Variants in PDIA6 observed in about 807,000 individuals in gnomAD.
The protein encoded by PDIA6 is protein disulfide-isomerase A6.
In PDIA6, 29 loss-of-function variants were observed where a neutral mutation model predicts 58.4. The observed-to-expected ratio is 0.50, with a 90% CI of 0.37 to 0.68. PDIA6 has a LOEUF of 0.68. PDIA6 is among the 30% of genes least tolerant of loss of function. The probability of loss-of-function intolerance (pLI) is 0.00; values close to 1 mark genes in which losing one functional copy is unlikely to be tolerated. For missense variants in PDIA6, 480 were observed against 551.0 expected (o/e 0.87, Z 1.29); for synonymous variants, 192 against 202.6 (o/e 0.95, Z 0.44).
At chr2:10,788,062 T>C (rs1665860545) in intron 10 of PDIA6, among the ~76,000 whole-genome samples, 1 of 46,986 alleles carries the variant, frequency 2.1e-5, no homozygotes, top group Non-Finnish European at 6.9e-5. Context: ...TGAGACTCTG[T>C]CTCAAAAAAA....
chr2:10,806,649 A>AGAAAGAAGGAAGG, intron 1 of PDIA6, among the ~76,000 whole-genome samples: 1 of 134,184 alleles, frequency 7.5e-6, no homozygotes, highest in Non-Finnish European at 1.7e-5. Context: ...AAAGAAAGAA[A>AGAAAGAAGGAAGG]AACGTTACAG....
At chr2:10,810,530 T>C in intron 1 of PDIA6, 12 of 1,070,042 alleles carry the variant, frequency 1.1e-5, no homozygotes, top group Non-Finnish European at 1.4e-5. Flanking sequence ...TTATTCTTTT[T>C]TCTAGTAATG....
intron 1 of PDIA6, among the ~76,000 whole-genome samples, chr2:10,823,857 C>T (rs934954178): frequency 6.6e-6 from 1 of 150,944 alleles, no homozygotes; most frequent in African/African-American, 2.4e-5. Flanking sequence ...GGTTATACTC[C>T]CTCCCTGGGG....
chr2:10,822,531 G>A (rs984512515), intron 1 of PDIA6, among the ~76,000 whole-genome samples: 2 of 152,162 alleles, frequency 1.3e-5, no homozygotes, highest in Non-Finnish European at 2.9e-5. Flanking sequence ...CAAAGTGCTA[G>A]GATTACAGGC....
rs756288863 is a variant in PDIA6, at chr2:10,787,277, T to C, written c.1157+4A>G. 1.4e-5 allele frequency: 22 copies of C among 1,613,392 alleles called. No individual in the cohort carries two copies. The highest frequency in any genetic ancestry group is 1.9e-5 in the Non-Finnish European group (22 of 1,179,528). ...ACAACAAACAACCTAAGAAAACAAA[T>C]TACCTGAGAAACTCGTTGATGCCTT... On this transcript the variant is annotated splice_donor_region_variant and intron_variant, in intron 11 of 12. Transcript: ENST00000272227.
intron 4 of PDIA6, among the ~76,000 whole-genome samples, chr2:10,795,918 T>C (rs1211446511): frequency 1.3e-5 from 2 of 152,228 alleles, no homozygotes; most frequent in Non-Finnish European, 2.9e-5. Context: ...ATGTTCCATA[T>C]AAATCTTCAA....
intron 2 of PDIA6, among the ~76,000 whole-genome samples, chr2:10,798,765 G>A (rs910787288): frequency 6.6e-6 from 1 of 152,210 alleles, no homozygotes; most frequent in African/African-American, 2.4e-5. Context: ...AGTGGAAGAA[G>A]TGCATTTTAT....
At chr2:10,798,145 G>A (rs1169723638) in intron 2 of PDIA6, among the ~76,000 whole-genome samples, 6 of 151,982 alleles carry the variant, frequency 3.9e-5, no homozygotes, top group African/African-American at 9.7e-5. Flanking sequence ...AGATCATGCC[G>A]CTACACTCCA....
At position 10,797,217 on chromosome 2, in the gene PDIA6, T is replaced by G. The variant is rs1401136670; in HGVS notation, c.220-10A>C. On this transcript the variant is annotated splice_polypyrimidine_tract_variant and intron_variant, in intron 3 of 12. Transcript: ENST00000272227. ...CAACTTTGACAACATCCTGTGGAAA[T>G]GTAAAAGAAATAACAATTTTTCCTT... 2 of 1,603,164 alleles carry G rather than the reference T, an allele frequency of 1.2e-6. No homozygotes were observed. The highest frequency in any genetic ancestry group is 1.7e-6 in the Non-Finnish European group (2 of 1,176,402).
At chr2:10,798,144 C>T (rs147023082) in intron 2 of PDIA6, among the ~76,000 whole-genome samples, 63 of 152,100 alleles carry the variant, frequency 4.1e-4, no homozygotes, top group South Asian at 1.2e-3. Context: ...GAGATCATGC[C>T]GCTACACTCC....
intron 1 of PDIA6, among the ~76,000 whole-genome samples, chr2:10,828,141 G>T (rs1239245480): frequency 6.6e-6 from 1 of 152,052 alleles, no homozygotes; most frequent in Non-Finnish European, 1.5e-5. Flanking sequence ...TTACATTAGG[G>T]TTCACACTTG....
Position 10,790,764 on chromosome 2 carries a change from T to C in PDIA6, c.654A>G (p.Ala218=), listed in dbSNP as rs757288641. The C allele has an allele frequency of 6.2e-7, 1 of 1,614,202 alleles. No individual in the cohort carries two copies. Among genetic ancestry groups the C allele is most frequent in the Non-Finnish European group, 8.5e-7 (1 of 1,180,008 alleles). Reference sequence around the variant, plus strand: ...CCTGATTGACTGTAGCATCCACAGCTGCCAGTTTCACTTTTCCTTTCGTCT... The same window carrying C: ...CCTGATTGACTGTAGCATCCACAGCCGCCAGTTTCACTTTTCCTTTCGTCT... ...KEQTKGKVKL[A]AVDATVNQVL... is the part of the protein sequence containing the mutation. Residue 218 remains alanine (A), a synonymous_variant, in exon 7 of 13, where the codon GCA becomes GCG. Coordinates refer to ENST00000272227, the MANE Select transcript of PDIA6 (RefSeq NM_005742.4).
chr2:10,786,303 ACT>A (rs779816096), intron 11 of PDIA6, among the ~76,000 whole-genome samples: 2 of 144,130 alleles, frequency 1.4e-5, no homozygotes, highest in Non-Finnish European at 3.0e-5. Context: ...ACACAGCAAG[ACT>A]CTGTCTCGGG....
In PDIA6 at chr2:10,793,157, A is replaced by G; in HGVS notation, c.392T>C (p.Leu131Pro). Reference sequence around the variant, plus strand: ...GAGGCGATCCTTCACGAGCTGGCGCAGAGCACTCAGCGCAGCATCTACAAT... The same window carrying G: ...GAGGCGATCCTTCACGAGCTGGCGCGGAGCACTCAGCGCAGCATCTACAAT... The part of the protein sequence containing the change: ...EAIVDAALSA[L>P]RQLVKDRLGG... Residue 131 changes from leucine to proline, a missense_variant, in exon 5 of 13, where the codon CTG becomes CCG. Coordinates refer to ENST00000272227, the MANE Select transcript of PDIA6 (RefSeq NM_005742.4). 1.2e-6 allele frequency: 2 copies of G among 1,614,130 alleles called. No individual in the cohort carries two copies. Among genetic ancestry groups the G allele is most frequent in the Non-Finnish European group, 1.7e-6 (2 of 1,179,962 alleles).
chr2:10,794,713 G>T (rs1311816514), intron 4 of PDIA6, among the ~76,000 whole-genome samples: 2 of 152,040 alleles, frequency 1.3e-5, no homozygotes, highest in African/African-American at 4.8e-5. Flanking sequence ...CGGATCATGA[G>T]GTCAAGAGTT....
chr2:10,824,145 ATACTG>A (rs1229523897), intron 1 of PDIA6, among the ~76,000 whole-genome samples: 2 of 150,932 alleles, frequency 1.3e-5, no homozygotes, highest in Admixed American at 1.3e-4. Context: ...TGTTGGTTCC[ATACTG>A]TAGTGGATGC....
At chr2:10,792,166 C>A (rs1309984038) in intron 5 of PDIA6, among the ~76,000 whole-genome samples, 1 of 152,176 alleles carries the variant, frequency 6.6e-6, no homozygotes, top group Non-Finnish European at 1.5e-5. Context: ...TAACCTGTAC[C>A]TGAATGCTGT....
At chr2:10,812,555 TCCCGCCCGCCAGGCC>T (rs1667047397) in intron 1 of PDIA6, 108 bp downstream of exon 1, 1 of 1,009,932 alleles carries the variant, frequency 9.9e-7, no homozygotes. Context: ...GGCCCGCGCC[TCCCGCCCGCCAGGCC>T]CACTTCCGGC....
chr2:10,789,980 AT>A (rs199881762), intron 7 of PDIA6, 91 bp from the exon 8 acceptor site: 59,160 of 818,246 alleles, frequency 0.072, 313 homozygotes, highest in African/African-American at 0.15. Context: ...CTTATAGGTA[AT>A]TTTTTTTTTT....
Sources: gnomAD v4.1 joint callset for allele counts (sites outside exome capture counted in the v4.1 genomes callset) on GRCh38, gnomAD v4.1.1 for gene constraint, MANE v1.5 for transcripts, NCBI Gene and HGNC (gene_info 2026-07-23, HGNC 2026-07-21) for gene names.